Variants in FANCB observed in about 807,000 individuals in gnomAD.
FANCB encodes FA complementation group B, also known as Fanconi anemia group B protein.
FANCB carries 5 observed loss-of-function variants against 38.9 expected under a neutral mutation model. The observed-to-expected ratio is 0.13, with a 90% confidence interval of 0.07 to 0.27. The LOEUF is 0.27. FANCB is among the 10% of genes least tolerant of loss of function. The pLI is 1.00. For missense variants in FANCB, 573 were observed against 602.7 expected, an observed-to-expected ratio of 0.95 and a Z score of 0.52; for synonymous variants, 236 against 215.4, an observed-to-expected ratio of 1.10 and a Z score of -0.84.
the FANCB span, among the ~76,000 whole-genome samples, chrX:14,693,139 C>T: frequency 9.1e-6 from 1 of 109,620 alleles, no homozygotes; most frequent in Non-Finnish European, 1.9e-5. Flanking sequence ...ATTATAAATG[C>T]AGTAAAGAAA....
chrX:14,794,601 TGA>T, the FANCB span, among the ~76,000 whole-genome samples: 1 of 112,272 alleles, frequency 8.9e-6, no homozygotes, highest in African/African-American at 3.2e-5. Context: ...ATGAAAACCC[TGA>T]GAGATTCTGG....
At chrX:14,710,148 C>A in the FANCB span, among the ~76,000 whole-genome samples, 1 of 111,598 alleles carries the variant, frequency 9.0e-6, no homozygotes, top group Non-Finnish European at 1.9e-5. Context: ...AGGAAGACAT[C>A]GAGGGCCAGA....
chrX:14,840,010 C>A (rs1296530520), downstream of FANCB, among the ~76,000 whole-genome samples: 4 of 111,211 alleles, frequency 3.6e-5, no homozygotes, highest in Non-Finnish European at 7.6e-5. Context: ...CATGTGCCAC[C>A]ACACCTGGCT....
the FANCB span, among the ~76,000 whole-genome samples, chrX:14,700,021 G>A: frequency 9.0e-6 from 1 of 111,192 alleles, no homozygotes; most frequent in Admixed American, 9.6e-5. Context: ...TAAAACTAAT[G>A]GGTACTAGGC....
chrX:14,760,311 T>C, the FANCB span, among the ~76,000 whole-genome samples: 1 of 111,764 alleles, frequency 8.9e-6, no homozygotes, highest in Non-Finnish European at 1.9e-5. Context: ...GAAAGACAAA[T>C]ACCACATGAT....
chrX:14,716,463 G>A, the FANCB span, among the ~76,000 whole-genome samples: 1 of 111,799 alleles, frequency 8.9e-6, no homozygotes, highest in Non-Finnish European at 1.9e-5. Flanking sequence ...TTTGAGGGAA[G>A]AGATTGATCC....
the FANCB span, among the ~76,000 whole-genome samples, chrX:14,776,375 G>A: frequency 8.9e-6 from 1 of 112,099 alleles, no homozygotes; most frequent in Non-Finnish European, 1.9e-5. Flanking sequence ...TGGGAGGGCT[G>A]TTGGGGAAAG....
rs986180195 is a variant in FANCB at position 14,859,353 on chromosome X, T to C, written c.952-19A>G. The C allele has an allele frequency of 1.8e-6, 2 of 1,140,357 alleles. No homozygotes were observed. The highest frequency in any genetic ancestry group is 2.4e-6 in the Non-Finnish European group (2 of 832,210). 94.0% of individuals were successfully genotyped at this position (1,140,357 alleles called of 1,213,427 possible). A position where few individuals can be genotyped will look rare whatever the true frequency, so the allele number is the denominator to read the frequency against. ...CAGCAACCTAAAAGAAAGGGAGCAT[T>C]ATAGGAGGAGTAGACAAGAAAAAAT... On this transcript the variant is annotated intron_variant, in intron 3 of 9. Transcript: ENST00000650831.
intron 3 of FANCB, among the ~76,000 whole-genome samples, chrX:14,860,648 G>A (rs1602000177): frequency 8.9e-6 from 1 of 111,918 alleles, no homozygotes; most frequent in Non-Finnish European, 1.9e-5. Flanking sequence ...TTAATTCAAT[G>A]TAATCATTAA....
At chrX:14,710,366 C>T in the FANCB span, among the ~76,000 whole-genome samples, 3 of 111,894 alleles carry the variant, frequency 2.7e-5, no homozygotes, top group Non-Finnish European at 5.6e-5. Flanking sequence ...TGCTTGAAGC[C>T]TCTAGGCTAT....
chrX:14,690,535 A>G, the FANCB span, among the ~76,000 whole-genome samples: 1 of 112,233 alleles, frequency 8.9e-6, no homozygotes, highest in African/African-American at 3.2e-5. Context: ...TCTTCAAAGT[A>G]GAATCAATGG....
At chrX:14,786,135 C>T in the FANCB span, among the ~76,000 whole-genome samples, 2 of 111,328 alleles carry the variant, frequency 1.8e-5, no homozygotes, top group South Asian at 7.6e-4. Context: ...TATACTCCTA[C>T]ATCAACTAGT....
the FANCB span, among the ~76,000 whole-genome samples, chrX:14,791,576 G>T: frequency 6.2e-5 from 7 of 112,100 alleles, no homozygotes; most frequent in Middle Eastern, 9.1e-3. Context: ...AGCATGGGAA[G>T]AACTGAGCAA....
Position 14,857,956 on chromosome X carries a change from T to TAATAAATA in FANCB, c.1105-10_1105-3dup, listed in dbSNP as rs398123537. The stretch of plus-strand genomic sequence containing the variant: ...TTCATTGCAATCTGATGGTTCACTC[T>TAATAAATA]AATAAATAAATAAATAAATAAATAC... On this transcript the variant is annotated splice_polypyrimidine_tract_variant and splice_region_variant and intron_variant, in intron 4 of 9. Transcript: ENST00000650831. The TAATAAATA allele has an allele frequency of 9.4e-7, 1 of 1,067,626 alleles. No individual in the cohort carries two copies. The highest frequency in any genetic ancestry group is 1.3e-6 in the Non-Finnish European group (1 of 768,145). 88.0% of individuals were successfully genotyped at this position (1,067,626 alleles called of 1,213,427 possible).
At chrX:14,699,559 T>C in the FANCB span, among the ~76,000 whole-genome samples, 1 of 112,676 alleles carries the variant, frequency 8.9e-6, no homozygotes, top group African/African-American at 3.2e-5. Flanking sequence ...ATCAATCATA[T>C]GAAACACTTA....
At chrX:14,782,825 G>T in the FANCB span, among the ~76,000 whole-genome samples, 1 of 111,668 alleles carries the variant, frequency 9.0e-6, no homozygotes, top group Non-Finnish European at 1.9e-5. Context: ...TAGTCGGGGG[G>T]TCTTCTTAAA....
downstream of FANCB, among the ~76,000 whole-genome samples, chrX:14,833,457 A>G (rs1413846999): frequency 1.8e-5 from 2 of 112,296 alleles, no homozygotes; most frequent in African/African-American, 6.5e-5. Context: ...GCACCACCCT[A>G]GACTTACGGA....
chrX:14,844,733 C>T lies in FANCB; in HGVS notation c.1935G>A (p.Met645Ile). Residue 645 changes from methionine to isoleucine, a missense_variant, in exon 9 of 10, where the codon ATG becomes ATA. Met to Ile is a conservative substitution (Grantham distance 10). Transcript: ENST00000650831. ...TFPKKKPIEH[M>I]EDLFALLAAF... is the part of the protein sequence containing the mutation. ...CTGCAAGAAGTGCAAAAAGATCTTC[C>T]ATGTGCTCTACAAAAAAAGTCACAA... 8.3e-7 allele frequency: 1 copy of T among 1,202,339 alleles called. No individual in the cohort carries two copies. Among genetic ancestry groups the T allele is most frequent in the East Asian group, 3.0e-5 (1 of 33,827 alleles).
At chrX:14,812,594 A>G in the FANCB span, among the ~76,000 whole-genome samples, 1 of 110,430 alleles carries the variant, frequency 9.1e-6, no homozygotes, top group Non-Finnish European at 1.9e-5. Flanking sequence ...TGACACATAG[A>G]CCCTCCCAAG....
Sources: allele counts gnomAD v4.1 joint callset (sites outside exome capture counted in the v4.1 genomes callset), GRCh38; gene constraint gnomAD v4.1.1; transcripts MANE v1.5; gene names NCBI Gene and HGNC (gene_info 2026-07-23, HGNC 2026-07-21).